The following FREM1 variants were observed in gnomAD, a reference collection of about 807,000 sequenced individuals.
FREM1 encodes FRAS1 related extracellular matrix 1, also known as FRAS1-related extracellular matrix protein 1.
A neutral mutation model predicts 210.1 loss-of-function variants in FREM1; 220 were observed. The ratio of observed to expected loss-of-function variants is 1.05; its 90% CI spans 0.94 to 1.17. The LOEUF is 1.17. Among genes scored for constraint, FREM1 ranks in the 50% most tolerant of loss-of-function variants. FREM1 has a pLI of 0.00. For synonymous variants in FREM1, 1,189 were observed against 980.2 expected (o/e 1.21, Z -3.98); for missense variants, 3,454 against 2,675.5 (o/e 1.29, Z -6.42).
chr9:14,873,931 T>C (rs1356498986), intron 1 of FREM1, among the ~76,000 whole-genome samples: 2 of 152,222 alleles, frequency 1.3e-5, no homozygotes, highest in Non-Finnish European at 2.9e-5. Context: ...ATGTACCCAG[T>C]AGTCATTCAG....
At chr9:14,899,390 G>A (rs1838365917) in intron 1 of FREM1, among the ~76,000 whole-genome samples, 1 of 152,196 alleles carries the variant, frequency 6.6e-6, no homozygotes, top group Non-Finnish European at 1.5e-5. Context: ...ATTTGGGGGT[G>A]GCCTGTGGAG....
chr9:14,765,230 A>G (rs923957811), intron 27 of FREM1, among the ~76,000 whole-genome samples: 1 of 152,230 alleles, frequency 6.6e-6, no homozygotes, highest in Non-Finnish European at 1.5e-5. Flanking sequence ...ATCGAATGCT[A>G]TGAACACCTG....
At position 14,821,899 on chromosome 9, in the gene FREM1, T is replaced by C. The variant is rs531243196; in HGVS notation, c.2337+1261A>G. On this transcript the variant is annotated intron_variant, in intron 13 of 36. Transcript: ENST00000380880. Reference sequence around the variant, plus strand: ...AAATGTTGGCAATTCATTATTTTCATATATTGTTTTGACCTCTTCACGTGG... The same window carrying C: ...AAATGTTGGCAATTCATTATTTTCACATATTGTTTTGACCTCTTCACGTGG... Among the ~76,000 whole-genome samples the C allele has an allele frequency of 8.5e-5, 13 of 152,358 alleles. No homozygotes were observed. In the South Asian group the frequency reaches 1.9e-3, roughly 22 times the overall value.
At chr9:14,876,705 G>A (rs1833825100) in intron 1 of FREM1, among the ~76,000 whole-genome samples, 1 of 152,166 alleles carries the variant, frequency 6.6e-6, no homozygotes. Flanking sequence ...CCCACTGTCT[G>A]GCACTCCCTA....
chr9:14,806,919 GT>G (rs1303869519), intron 17 of FREM1, 73 bp from the exon 18 acceptor site: 2 of 885,308 alleles, frequency 2.3e-6, no homozygotes, highest in Non-Finnish European at 3.3e-6. Flanking sequence ...ACAAAATGCA[GT>G]GACTGAAATT....
At chr9:14,794,259 G>T (rs901251417) in intron 21 of FREM1, among the ~76,000 whole-genome samples, 2 of 152,044 alleles carry the variant, frequency 1.3e-5, no homozygotes, top group African/African-American at 4.8e-5. Context: ...GCAACAAAGG[G>T]TGTTTTACTG....
chr9:14,888,705 C>T (rs1207968762), intron 1 of FREM1, among the ~76,000 whole-genome samples: 1 of 152,184 alleles, frequency 6.6e-6, no homozygotes, highest in African/African-American at 2.4e-5. Flanking sequence ...TTGACTCTGT[C>T]TATAACATTC....
intron 22 of FREM1, among the ~76,000 whole-genome samples, chr9:14,792,335 G>A (rs565315753): frequency 6.7e-6 from 1 of 149,554 alleles, no homozygotes; most frequent in East Asian, 2.0e-4. Flanking sequence ...GAACAAGAAA[G>A]ACTGTAGACT....
chr9:14,747,877 T>A lies in FREM1; in HGVS notation c.5797-149A>T. 3.8e-6 allele frequency: 2 copies of A among 522,526 alleles called. 1 individual carries two copies. Among genetic ancestry groups the A allele is most frequent in the East Asian group, 6.6e-5 (2 of 30,494 alleles). 32.4% of individuals were successfully genotyped at this position (522,526 alleles called of 1,614,324 possible). A position where few individuals can be genotyped will look rare whatever the true frequency, so the allele number is the denominator to read the frequency against. On this transcript the variant is annotated intron_variant, in intron 31 of 36. Transcript: ENST00000380880. ...ATTTCCCACGCCCAAATCATTGGAATTTCAAAAATCACTAGGCCTAATCAG... is the reference window on the plus strand; with the variant it reads ...ATTTCCCACGCCCAAATCATTGGAAATTCAAAAATCACTAGGCCTAATCAG...
Position 14,841,369 on chromosome 9 carries a change from T to C in FREM1, c.1881+78A>G, listed in dbSNP as rs985109749. On this transcript the variant is annotated intron_variant, in intron 10 of 36. Coordinates refer to ENST00000380880, the MANE Select transcript of FREM1 (RefSeq NM_001379081.2). ...TTTTAAACCTTGAAACCTATTTTCA[T>C]GTGGTTTCTAACCACATCTCCTAGA... 13 of 1,202,070 alleles carry C rather than the reference T, an allele frequency of 1.1e-5. No homozygotes were observed. The African/African-American group carries it at 2.0e-4, about 18-fold the overall frequency. 74.5% of individuals were successfully genotyped at this position (1,202,070 alleles called of 1,614,324 possible). A position where few individuals can be genotyped will look rare whatever the true frequency, so the allele number is the denominator to read the frequency against.
At chr9:14,898,283 A>T (rs1046172149) in intron 1 of FREM1, among the ~76,000 whole-genome samples, 1 of 152,224 alleles carries the variant, frequency 6.6e-6, no homozygotes, top group Non-Finnish European at 1.5e-5. Flanking sequence ...CTATCTGTCA[A>T]TGTAAATCAA....
chr9:14,847,131 ACCATTAATAGATTGTTGACCTTTTC>A (rs1826791529), intron 7 of FREM1, among the ~76,000 whole-genome samples: 1 of 152,058 alleles, frequency 6.6e-6, no homozygotes, highest in East Asian at 1.9e-4. Context: ...GAAATAACTG[ACCATTAATAGATTGTTGACCTTTTC>A]CCAACCCCAC....
chr9:14,897,312 C>T (rs1271037126), intron 1 of FREM1, among the ~76,000 whole-genome samples: 1 of 152,108 alleles, frequency 6.6e-6, no homozygotes, highest in Non-Finnish European at 1.5e-5. Flanking sequence ...ATTCTCTTAA[C>T]TAAAGTACCT....
intron 1 of FREM1, among the ~76,000 whole-genome samples, chr9:14,872,099 C>G (rs188052211): frequency 0.01 from 1,590 of 152,158 alleles, 34 homozygotes; most frequent in African/African-American, 0.036. Flanking sequence ...AGTCAGGTAG[C>G]GTGATGTCTC....
At chr9:14,800,990 G>T (rs1299034840) in intron 20 of FREM1, among the ~76,000 whole-genome samples, 1 of 151,978 alleles carries the variant, frequency 6.6e-6, no homozygotes, top group Non-Finnish European at 1.5e-5. Flanking sequence ...GTTTATTTTG[G>T]TTTTTGTTTG....
intron 24 of FREM1, among the ~76,000 whole-genome samples, chr9:14,780,655 T>C (rs936401662): frequency 1.3e-5 from 2 of 152,080 alleles, no homozygotes; most frequent in Non-Finnish European, 2.9e-5. Context: ...ATCTGACTAT[T>C]AAACTCCCCC....
intron 24 of FREM1, among the ~76,000 whole-genome samples, chr9:14,782,609 G>A (rs570203382): frequency 6.6e-6 from 1 of 152,294 alleles, no homozygotes; most frequent in South Asian, 2.1e-4. Flanking sequence ...AGGAAAAAAA[G>A]AACAATCATT....
chr9:14,756,287 T>G (rs568155875), intron 29 of FREM1, 87 bp downstream of exon 29: 79 of 969,726 alleles, frequency 8.1e-5, no homozygotes, highest in Admixed American at 3.8e-4. Context: ...TTGTGTAACA[T>G]TCTATCTTCT....
intron 10 of FREM1, among the ~76,000 whole-genome samples, chr9:14,830,918 C>T (rs900767280): frequency 2.0e-5 from 3 of 152,280 alleles, no homozygotes; most frequent in East Asian, 1.9e-4. Flanking sequence ...AGGCACTCTT[C>T]GCCTCTATAT....
Sources: allele counts gnomAD v4.1 joint callset (sites outside exome capture counted in the v4.1 genomes callset), GRCh38; gene constraint gnomAD v4.1.1; transcripts MANE v1.5; gene names NCBI Gene and HGNC (gene_info 2026-07-23, HGNC 2026-07-21).